Variants in MADD observed in about 807,000 individuals in gnomAD.
MADD encodes MAP kinase-activating death domain protein.
Under a neutral mutation model 176.7 loss-of-function variants are expected in MADD, and 109 were observed. The ratio of observed to expected loss-of-function variants is 0.62; its 90% confidence interval spans 0.53 to 0.72. The LOEUF (loss-of-function observed/expected upper bound fraction) is 0.72. Among genes scored for constraint, MADD ranks in the 30% least tolerant of loss-of-function variants. The pLI is 0.00. For missense variants in MADD, 1,914 were observed against 2,045.5 expected, an observed-to-expected ratio of 0.94 and a Z score of 1.24; for synonymous variants, 771 against 771.3, an observed-to-expected ratio of 1.00 and a Z score of 0.01.
intron 26 of MADD, among the ~76,000 whole-genome samples, chr11:47,312,435 A>AT (rs1234267898): frequency 4.0e-5 from 6 of 151,598 alleles, no homozygotes; most frequent in African/African-American, 1.5e-4. Context: ...ATACATATAT[A>AT]TTTTTTGAGA....
intron 27 of MADD, among the ~76,000 whole-genome samples, chr11:47,316,513 C>G (rs1192747672): frequency 6.6e-6 from 1 of 151,016 alleles, no homozygotes; most frequent in African/African-American, 2.4e-5. Context: ...CTCAGGCTCC[C>G]AAGTAGCTGG....
intron 22 of MADD, among the ~76,000 whole-genome samples, chr11:47,297,791 T>TTC (rs1291363595): frequency 1.4e-4 from 19 of 131,866 alleles, no homozygotes; most frequent in East Asian, 1.1e-3. Context: ...CTTTCTTTCT[T>TTC]TTTTTTTTTT....
intron 30 of MADD, among the ~76,000 whole-genome samples, 166 bp from the exon 34 acceptor site, chr11:47,326,378 G>T (rs1448314437): frequency 6.6e-6 from 1 of 152,214 alleles, no homozygotes; most frequent in Non-Finnish European, 1.5e-5. Flanking sequence ...GAAGGGTAGA[G>T]ACCTAATGGG....
chr11:47,292,480 C>T (rs897580694), intron 19 of MADD, 63 bp from the exon 21 acceptor site: 49 of 1,496,702 alleles, frequency 3.3e-5, no homozygotes, highest in Non-Finnish European at 3.8e-5. Flanking sequence ...GTTTCCATTT[C>T]GTCTGTCTGA....
rs1209724869 is a variant in MADD, at chr11:47,293,901, C to T, written c.3320C>T (p.Pro1107Leu). 2.5e-6 allele frequency: 4 copies of T among 1,613,848 alleles called. No homozygotes were observed. In the African/African-American group the frequency reaches 4.0e-5, roughly 16 times the overall value. The change falls in exon 20 of 33, where the codon CCT becomes CTT. Residue 1107 changes from proline to leucine, a missense_variant. Physicochemically the swap from Pro to Leu is moderately conservative, Grantham distance 98. Transcript: ENST00000402192. Reference sequence around the variant, plus strand: ...TACTCAGGGCCTGAAGTAATCAAACCTGTCTTTGACCTTGGTGAGACAGAG... The same window carrying T: ...TACTCAGGGCCTGAAGTAATCAAACTTGTCTTTGACCTTGGTGAGACAGAG...
exon 14 of MADD, chr11:47,285,551 A>G: frequency 6.2e-7 from 1 of 1,614,136 alleles, no homozygotes. Flanking sequence ...CGTCTCCAAC[A>G]CCAGCACCGA....
chr11:47,291,253 G>A (rs1226449934), intron 19 of MADD, among the ~76,000 whole-genome samples: 1 of 152,190 alleles, frequency 6.6e-6, no homozygotes, highest in Non-Finnish European at 1.5e-5. Flanking sequence ...CCTCTGGAAT[G>A]TGCTCCTCTG....
At chr11:47,285,135 T>A (rs759488671) in exon 13 of MADD, 4 of 1,614,072 alleles carry the variant, frequency 2.5e-6, no homozygotes, top group Non-Finnish European at 3.4e-6. Context: ...CTGAGGAAGA[T>A]GAGGATGAGC....
chr11:47,327,115 GGGACACAGC>G, intron 31 of MADD: 1 of 1,104,604 alleles, frequency 9.1e-7, no homozygotes, highest in South Asian at 3.2e-5. Flanking sequence ...CAGAAAGTTT[GGGACACAGC>G]AGACTGGCGA....
chr11:47,308,826 T>C lies in MADD; in HGVS notation c.3751+127T>C, dbSNP rs1213245687. On this transcript the variant is annotated intron_variant, in intron 23 of 32. Transcript: ENST00000402192. Reference sequence around the variant, plus strand: ...TAATGCTAACATTAGATAGCAGTTTTATACCTGAAGCAAGCGACTTACTGG... The same window carrying C: ...TAATGCTAACATTAGATAGCAGTTTCATACCTGAAGCAAGCGACTTACTGG... 3 of 1,020,580 alleles carry C rather than the reference T, an allele frequency of 2.9e-6. No homozygotes were observed. In the East Asian group the frequency reaches 7.3e-5, roughly 25 times the overall value. The allele number at this position is 1,020,580 out of a possible 1,614,324, so 63.2% of individuals were successfully genotyped here.
At chr11:47,328,612 C>A in intron 31 of MADD, 46 bp from the exon 36 acceptor site, 1 of 1,613,710 alleles carries the variant, frequency 6.2e-7, no homozygotes, top group South Asian at 1.1e-5. Context: ...CACGATTGCT[C>A]TTAGTGTTGA....
At chr11:47,269,635 C>T (rs914043722), upstream of MADD, 3 of 150,694 alleles carry the variant, frequency 2.0e-5, no homozygotes, top group African/African-American at 7.3e-5. Flanking sequence ...CCCGCGCGCG[C>T]CCGGTGGAGG....
At chr11:47,278,972 A>G (rs532778462) in intron 6 of MADD, 27 bp from the exon 7 acceptor site, 1 of 1,605,458 alleles carries the variant, frequency 6.2e-7, no homozygotes, top group East Asian at 2.2e-5. Flanking sequence ...CTCTAAGGTC[A>G]CGTCTTTTAT....
At position 47,278,967 on chromosome 11, in the gene MADD, A is replaced by C. The variant is rs200900137; in HGVS notation, c.1210-32A>C. ...TGAAATTCCTGAGCAATAAACTCTA[A>C]GGTCACGTCTTTTATCATTTCTCTG... On this transcript the variant is annotated intron_variant, in intron 6 of 32. Transcript: ENST00000402192. The C allele has an allele frequency of 5.8e-4, 927 of 1,595,554 alleles. 2 individuals are homozygous for C. The highest frequency in any genetic ancestry group is 3.8e-3 in the Middle Eastern group (23 of 6,034).
intron 26 of MADD, among the ~76,000 whole-genome samples, chr11:47,312,151 C>T (rs2089898561): frequency 6.6e-6 from 1 of 152,238 alleles, no homozygotes; most frequent in Non-Finnish European, 1.5e-5. Context: ...ATGGGTAAAA[C>T]TGCTGGCACT....
chr11:47,324,838 C>T (rs527629219), intron 30 of MADD: 8 of 643,606 alleles, frequency 1.2e-5, no homozygotes, highest in Middle Eastern at 6.7e-4. Context: ...CTGCCCCATC[C>T]GTTGGACTCC....
intron 26 of MADD, among the ~76,000 whole-genome samples, chr11:47,314,314 G>A (rs1476990247): frequency 6.6e-6 from 1 of 151,836 alleles, no homozygotes; most frequent in Non-Finnish European, 1.5e-5. Context: ...GGCTCAAACG[G>A]TACTCCTGAC....
In MADD at chr11:47,292,527, A is replaced by G. The variant is rs778080938; in HGVS notation, c.3302-1356A>G. On this transcript the variant is annotated intron_variant, in intron 19 of 32. Coordinates refer to ENST00000402192, the Ensembl canonical transcript of MADD. ...CTTTCTGTCTTTCTCTCCTGCTTGCATTGCATCTGGGGTAGAATTGTGGAA... is the reference window on the plus strand; with the variant it reads ...CTTTCTGTCTTTCTCTCCTGCTTGCGTTGCATCTGGGGTAGAATTGTGGAA... The G allele has an allele frequency of 2.5e-5, 41 of 1,613,278 alleles. No individual in the cohort carries two copies. The highest frequency in any genetic ancestry group is 4.5e-5 in the East Asian group (2 of 44,844).
chr11:47,281,840 AC>A, intron 8 of MADD, 87 bp downstream of exon 8: 1 of 442,618 alleles, frequency 2.3e-6, no homozygotes, highest in Non-Finnish European at 3.1e-6. Flanking sequence ...ATTTCTCTGA[AC>A]CAGGGTTCCT....
Sources: allele counts gnomAD v4.1 joint callset (sites outside exome capture counted in the v4.1 genomes callset), GRCh38; gene constraint gnomAD v4.1.1; transcripts MANE v1.5; gene names NCBI Gene and HGNC (gene_info 2026-07-23, HGNC 2026-07-21).